The following NBAS variants were observed in gnomAD, a reference collection of about 807,000 sequenced individuals.
The protein encoded by NBAS is NBAS subunit of NRZ tethering complex.
Under a neutral mutation model 302.5 loss-of-function variants are expected in NBAS, and 219 were observed. The observed-to-expected ratio is 0.72, with a 90% CI of 0.65 to 0.81. NBAS has a LOEUF of 0.81. Ranked by LOEUF, NBAS falls within the 30% of genes least tolerant of loss-of-function variation. The probability of loss-of-function intolerance (pLI) is 0.00; values close to 1 mark genes in which losing one functional copy is unlikely to be tolerated. For missense variants in NBAS, 2,932 were observed against 2,841.6 expected, an observed-to-expected ratio of 1.03 and a Z score of -0.72; for synonymous variants, 1,118 against 1,021.6, an observed-to-expected ratio of 1.09 and a Z score of -1.80.
Position 15,478,861 on chromosome 2 carries a change from A to G in NBAS, c.1084-572T>C, listed in dbSNP as rs560006950. Among the ~76,000 whole-genome samples, 21 of 152,318 alleles carry G rather than the reference A, an allele frequency of 1.4e-4. 1 individual carries two copies. The East Asian group carries it at 4.0e-3, about 29-fold the overall frequency. ...CTCTTCTTTGAGAATATAACAGCAC[A>G]TTGATATCTCTCAAATATCAATTTG... On this transcript the variant is annotated intron_variant, in intron 12 of 51. Coordinates refer to ENST00000281513, the MANE Select transcript of NBAS (RefSeq NM_015909.4).
chr2:15,029,561 G>A, the NBAS span, among the ~76,000 whole-genome samples: 112,210 of 152,202 alleles, frequency 0.74, 41,596 homozygotes, highest in East Asian at 0.89. Context: ...AACCCATTAC[G>A]GGGCCTCGGA....
the NBAS span, among the ~76,000 whole-genome samples, chr2:14,830,155 C>T: frequency 6.6e-6 from 1 of 152,098 alleles, no homozygotes; most frequent in Non-Finnish European, 1.5e-5. Context: ...TGCAACAATT[C>T]CAGGCATTAA....
chr2:14,908,090 G>A, the NBAS span, among the ~76,000 whole-genome samples: 5 of 152,188 alleles, frequency 3.3e-5, no homozygotes, highest in Admixed American at 1.3e-4. Context: ...GGGGCCAGGC[G>A]CAGTGGCTCA....
intron 13 of NBAS, 122 bp downstream of exon 13, chr2:15,478,104 T>A (rs951481794): frequency 1.1e-5 from 8 of 708,284 alleles, no homozygotes; most frequent in African/African-American, 3.6e-5. Flanking sequence ...CTCTATGAAA[T>A]CTTGATGTTT....
At chr2:15,535,178 G>C (rs1325802713) in intron 8 of NBAS, among the ~76,000 whole-genome samples, 5 of 152,184 alleles carry the variant, frequency 3.3e-5, no homozygotes, top group Non-Finnish European at 7.3e-5. Context: ...ACTGGATCCA[G>C]GATGCTCAGA....
At chr2:15,555,669 T>C (rs1664612078) in intron 3 of NBAS, among the ~76,000 whole-genome samples, 1 of 152,138 alleles carries the variant, frequency 6.6e-6, no homozygotes, top group African/African-American at 2.4e-5. Context: ...CAGCATATCA[T>C]GAGACAGATG....
At chr2:14,927,889 G>A in the NBAS span, among the ~76,000 whole-genome samples, 2 of 152,052 alleles carry the variant, frequency 1.3e-5, no homozygotes, top group Non-Finnish European at 2.9e-5. Context: ...TTTTTTAATT[G>A]GGCCATTTGT....
At chr2:15,283,672 A>G (rs1669918691) in intron 42 of NBAS, among the ~76,000 whole-genome samples, 1 of 152,186 alleles carries the variant, frequency 6.6e-6, no homozygotes, top group Admixed American at 6.5e-5. Context: ...AGAATGGACT[A>G]ATACAAATTT....
the NBAS span, among the ~76,000 whole-genome samples, chr2:14,876,402 C>T: frequency 2.0e-5 from 3 of 152,186 alleles, no homozygotes; most frequent in South Asian, 6.2e-4. Context: ...TAACAGAGGG[C>T]AAATGATACT....
intron 14 of NBAS, among the ~76,000 whole-genome samples, chr2:15,475,254 A>G (rs1680139696): frequency 6.6e-6 from 1 of 152,208 alleles, no homozygotes; most frequent in Admixed American, 6.5e-5. Flanking sequence ...TTTTTAAATG[A>G]CCAAAAGATA....
At chr2:15,183,400 T>C (rs1409107532) in intron 50 of NBAS, among the ~76,000 whole-genome samples, 1 of 152,184 alleles carries the variant, frequency 6.6e-6, no homozygotes, top group East Asian at 1.9e-4. Context: ...TTATCTTTTG[T>C]TTCATCAAAT....
At chr2:15,267,072 T>C (rs929373120) in intron 44 of NBAS, among the ~76,000 whole-genome samples, 11 of 152,352 alleles carry the variant, frequency 7.2e-5, no homozygotes, top group Admixed American at 6.5e-4. Context: ...CAAATCAAAC[T>C]ATACCCAGAA....
the NBAS span, among the ~76,000 whole-genome samples, chr2:15,039,261 C>T: frequency 2.6e-5 from 4 of 152,164 alleles, no homozygotes; most frequent in Non-Finnish European, 4.4e-5. Context: ...GGCGTTGCTG[C>T]GGTTGCACAC....
the NBAS span, among the ~76,000 whole-genome samples, chr2:14,994,916 T>C: frequency 6.6e-6 from 1 of 152,210 alleles, no homozygotes. Context: ...ACACCAGTGA[T>C]GCCCAAAACC....
In NBAS at chr2:15,366,642, G is replaced by A. The variant is rs114866170; in HGVS notation, c.3755C>T (p.Ser1252Phe). 6.2e-7 allele frequency: 1 copy of A among 1,614,078 alleles called. No individual in the cohort carries two copies. Among genetic ancestry groups the A allele is most frequent in the East Asian group, 2.2e-5 (1 of 44,860 alleles). ...ISLIKECISQSPTCYKQSTKL... is the reference protein window; with the variant it reads ...ISLIKECISQFPTCYKQSTKL... ...GGTGGATTGTTTATAGCATGTGGGGGACTGGGAAATACACTCCTTGATGAG... is the reference window on the plus strand; with the variant it reads ...GGTGGATTGTTTATAGCATGTGGGGAACTGGGAAATACACTCCTTGATGAG... Residue 1252 changes from serine (S) to phenylalanine (F), a missense_variant, in exon 32 of 52, where the codon TCC becomes TTC. By Grantham distance (155) the Ser-to-Phe change is radical. Coordinates refer to ENST00000281513, the MANE Select transcript of NBAS (RefSeq NM_015909.4).
Position 15,551,538 on chromosome 2 carries a change from T to C in NBAS, c.336-2A>G. 1.2e-6 allele frequency: 2 copies of C among 1,607,672 alleles called. No individual in the cohort carries two copies. Among genetic ancestry groups the C allele is most frequent in the Non-Finnish European group, 1.7e-6 (2 of 1,176,028 alleles). ...GATGTAAAATCATCTTTTGCAGACC[T>C]GTAAAACATGCAAAATCAAGGCAAA... On this transcript the variant is annotated splice_acceptor_variant, in intron 5 of 51. Transcript: ENST00000281513. LOFTEE classifies it high-confidence loss of function.
At chr2:15,480,427 C>CTA (rs1680381584) in intron 12 of NBAS, among the ~76,000 whole-genome samples, 1 of 150,032 alleles carries the variant, frequency 6.7e-6, no homozygotes, top group African/African-American at 2.4e-5. Context: ...ACACAGAGAG[C>CTA]TAATAAATTA....
chr2:15,556,729 A>G, intron 3 of NBAS, 54 bp downstream of exon 3: 4 of 1,455,790 alleles, frequency 2.7e-6, no homozygotes, highest in Non-Finnish European at 3.9e-6. Flanking sequence ...TATATAGAAC[A>G]ATATTGTTTA....
chr2:15,279,823 T>C (rs1669746933), intron 42 of NBAS, among the ~76,000 whole-genome samples: 1 of 152,180 alleles, frequency 6.6e-6, no homozygotes, highest in African/African-American at 2.4e-5. Context: ...ATTTTAATAG[T>C]TTCCATTCTG....
Sources: allele counts gnomAD v4.1 joint callset (sites outside exome capture counted in the v4.1 genomes callset), GRCh38; gene constraint gnomAD v4.1.1; transcripts MANE v1.5; gene names NCBI Gene and HGNC (gene_info 2026-07-23, HGNC 2026-07-21).